Variants in TSPAN9 observed in about 807,000 individuals in gnomAD.
TSPAN9 encodes tetraspanin-9.
Under a neutral mutation model 31.0 loss-of-function variants are expected in TSPAN9, and 16 were observed. The ratio of observed to expected loss-of-function variants is 0.52; its 90% CI spans 0.35 to 0.78. The LOEUF (loss-of-function observed/expected upper bound fraction) is 0.78, where lower values mean the gene tolerates loss of function less well. TSPAN9 is among the 30% of genes least tolerant of loss of function. The pLI is 0.01. For missense variants in TSPAN9, 272 were observed against 312.5 expected (o/e 0.87, Z 0.98); for synonymous variants, 145 against 121.6 (o/e 1.19, Z -1.27).
chr12:3,245,680 C>T lies in TSPAN9; in HGVS notation c.64-32741C>T, dbSNP rs575628152. 5.3e-5 allele frequency among the ~76,000 whole-genome samples: 8 copies of T among 152,318 alleles called. No homozygotes were observed. The East Asian group carries it at 1.2e-3, about 22-fold the overall frequency. Reference sequence around the variant, plus strand: ...AAGAGGGGGTGGTGGAGGCATTTGGCTGCATCTCCCAACCCCCAACACGCT... The same window carrying T: ...AAGAGGGGGTGGTGGAGGCATTTGGTTGCATCTCCCAACCCCCAACACGCT... On this transcript the variant is annotated intron_variant, in intron 3 of 8. Coordinates refer to ENST00000011898, the MANE Select transcript of TSPAN9 (RefSeq NM_006675.5).
Position 3,280,294 on chromosome 12 carries a change from A to T in TSPAN9, c.331-88A>T. On this transcript the variant is annotated intron_variant, in intron 5 of 8. Coordinates refer to ENST00000011898, the MANE Select transcript of TSPAN9 (RefSeq NM_006675.5). This position sits in a 1 kb window ranked among gnomAD's most constrained non-coding sequence, Gnocchi z 4.5. ...CTGCCTTCCTCACTCCTCATCTGTCACCCACCATCCTGGGTGACCTGAGGT... is the reference window on the plus strand; with the variant it reads ...CTGCCTTCCTCACTCCTCATCTGTCTCCCACCATCCTGGGTGACCTGAGGT... The T allele has an allele frequency of 8.3e-7, 1 of 1,209,260 alleles. No homozygotes were observed. The highest frequency in any genetic ancestry group is 1.2e-6 in the Non-Finnish European group (1 of 831,530). The allele number at this position is 1,209,260 out of a possible 1,614,324, so 74.9% of individuals were successfully genotyped here.
intron 3 of TSPAN9, among the ~76,000 whole-genome samples, chr12:3,223,898 T>C (rs1006527610): frequency 2.0e-5 from 3 of 152,232 alleles, no homozygotes; most frequent in African/African-American, 7.2e-5. Context: ...TATAACAGAA[T>C]AGGGATGCTG....
At chr12:3,169,443 T>C (rs947017245) in intron 2 of TSPAN9, among the ~76,000 whole-genome samples, 1 of 152,180 alleles carries the variant, frequency 6.6e-6, no homozygotes, top group Non-Finnish European at 1.5e-5. Context: ...GAAAAGTCCT[T>C]TATCCCCTAG....
At chr12:3,138,529 T>G (rs1254841117) in intron 2 of TSPAN9, among the ~76,000 whole-genome samples, 3 of 151,736 alleles carry the variant, frequency 2.0e-5, no homozygotes, top group Admixed American at 2.0e-4. Context: ...AGTGGGGTAG[T>G]CATGTGCAGC....
intron 2 of TSPAN9, among the ~76,000 whole-genome samples, chr12:3,104,975 C>G (rs2098313555): frequency 6.6e-6 from 1 of 152,216 alleles, no homozygotes. Context: ...TGGCTGCTCT[C>G]AGGCGTTCAG....
At chr12:3,140,871 G>A (rs2098334475) in intron 2 of TSPAN9, among the ~76,000 whole-genome samples, 1 of 151,968 alleles carries the variant, frequency 6.6e-6, no homozygotes, top group Admixed American at 6.5e-5. Flanking sequence ...AGGCTGAGGA[G>A]AGATTTGGGG....
intron 2 of TSPAN9, among the ~76,000 whole-genome samples, chr12:3,144,011 A>G (rs1355988875): frequency 6.6e-6 from 1 of 152,214 alleles, no homozygotes; most frequent in Non-Finnish European, 1.5e-5. Context: ...CCAGGCATGG[A>G]CACATATCTG....
At chr12:3,169,626 C>A (rs1315071438) in intron 2 of TSPAN9, among the ~76,000 whole-genome samples, 2 of 152,224 alleles carry the variant, frequency 1.3e-5, no homozygotes, top group African/African-American at 4.8e-5. Flanking sequence ...ACACTCAGCA[C>A]CCTAGGCATC....
At chr12:3,085,373 C>T (rs2098299918) in intron 2 of TSPAN9, among the ~76,000 whole-genome samples, 1 of 151,284 alleles carries the variant, frequency 6.6e-6, no homozygotes, top group African/African-American at 2.4e-5. Flanking sequence ...TGGGGAGACA[C>T]AGATAGCCCC....
intron 2 of TSPAN9, among the ~76,000 whole-genome samples, chr12:3,151,695 A>G (rs2098339815): frequency 6.6e-6 from 1 of 152,144 alleles, no homozygotes; most frequent in African/African-American, 2.4e-5. Context: ...GAAACAGAAT[A>G]GGGCAGCCTC....
chr12:3,282,109 G>C, intron 8 of TSPAN9: 1 of 632,980 alleles, frequency 1.6e-6, no homozygotes. Flanking sequence ...CCCAAACCTT[G>C]AGCTCAGAGA....
intron 3 of TSPAN9, among the ~76,000 whole-genome samples, chr12:3,209,334 T>G (rs1239148231): frequency 1.3e-5 from 2 of 152,214 alleles, no homozygotes; most frequent in African/African-American, 2.4e-5. Context: ...CCATGGCTCT[T>G]GGTATTTCAT....
At chr12:3,108,784 G>T (rs959422488) in intron 2 of TSPAN9, among the ~76,000 whole-genome samples, 1 of 151,670 alleles carries the variant, frequency 6.6e-6, no homozygotes, top group Non-Finnish European at 1.5e-5. Context: ...CTTCTATCGG[G>T]GTTTTTATTT....
chr12:3,235,159 T>G (rs1355826919), intron 3 of TSPAN9, among the ~76,000 whole-genome samples: 1 of 111,024 alleles, frequency 9.0e-6, no homozygotes, highest in Non-Finnish European at 1.7e-5. Context: ...CTCCAGCCTG[T>G]GCGACAGAGC....
chr12:3,141,833 C>A (rs748266906), intron 2 of TSPAN9, among the ~76,000 whole-genome samples: 17 of 152,154 alleles, frequency 1.1e-4, no homozygotes, highest in Non-Finnish European at 1.6e-4. Flanking sequence ...CTTGCTTTTC[C>A]CCTTTGCAGG....
At chr12:3,281,587 C>T (rs577045892) in intron 7 of TSPAN9, 147 bp from the exon 8 acceptor site, 48 of 1,100,566 alleles carry the variant, frequency 4.4e-5, no homozygotes, top group Middle Eastern at 6.0e-4. Context: ...GCGGAGGCTG[C>T]GCCAAGGGAT....
At position 3,187,492 on chromosome 12, in the gene TSPAN9, A is replaced by G. The variant is rs189104233; in HGVS notation, c.-17-13685A>G. The stretch of plus-strand genomic sequence containing the variant: ...AGGCCGCTTGGTGTAAGGAAAGATC[A>G]CTGTTTTCACTGTTTTGGAAGTCAG... On this transcript the variant is annotated intron_variant, in intron 2 of 8. Transcript: ENST00000011898. The surrounding 1 kb of genome is among the most constrained non-coding windows in gnomAD (Gnocchi z 5.2). Among the ~76,000 whole-genome samples the G allele has an allele frequency of 6.5e-3, 994 of 152,204 alleles. 11 individuals are homozygous for G. Among genetic ancestry groups the G allele is most frequent in the African/African-American group, 0.022 (934 of 41,524 alleles).
At chr12:3,090,650 C>T (rs1033482231) in intron 2 of TSPAN9, among the ~76,000 whole-genome samples, 1 of 152,250 alleles carries the variant, frequency 6.6e-6, no homozygotes, top group Non-Finnish European at 1.5e-5. Context: ...CGGGCAGACT[C>T]CACCTCTTGG....
chr12:3,250,895 G>T (rs1388624704), intron 3 of TSPAN9, among the ~76,000 whole-genome samples: 3 of 152,214 alleles, frequency 2.0e-5, no homozygotes, highest in Non-Finnish European at 4.4e-5. Context: ...GAGAGGGACT[G>T]AGGTTGGACC....
Sources: allele counts gnomAD v4.1 joint callset (sites outside exome capture counted in the v4.1 genomes callset), GRCh38; gene constraint gnomAD v4.1.1; non-coding constraint Gnocchi (gnomAD v3.1); transcripts MANE v1.5; gene names NCBI Gene and HGNC (gene_info 2026-07-23, HGNC 2026-07-21).